The following ZEB1 variants were observed in gnomAD, a reference collection of about 807,000 sequenced individuals.
ZEB1 encodes the protein zinc finger E-box binding homeobox 1.
In ZEB1, 21 loss-of-function variants were observed where a neutral mutation model predicts 84.9. The ratio of observed to expected loss-of-function variants is 0.25; its 90% CI spans 0.18 to 0.36. The LOEUF is 0.36. Among genes scored for constraint, ZEB1 ranks in the 10% least tolerant of loss-of-function variants. The pLI is 1.00. For missense variants in ZEB1, 1,104 were observed against 1,330.2 expected (o/e 0.83, Z 2.65); for synonymous variants, 420 against 471.1 (o/e 0.89, Z 1.41).
intron 1 of ZEB1, among the ~76,000 whole-genome samples, chr10:31,393,047 A>G (rs2050059445): frequency 6.6e-6 from 1 of 152,120 alleles, no homozygotes; most frequent in South Asian, 2.1e-4. Flanking sequence ...CATGTTGCCC[A>G]GGCTGGTCTC....
At chr10:31,412,125 A>T (rs1320206335) in intron 1 of ZEB1, among the ~76,000 whole-genome samples, 1 of 152,238 alleles carries the variant, frequency 6.6e-6, no homozygotes, top group African/African-American at 2.4e-5. Context: ...TCCTACTTTT[A>T]CAAAATATCT....
intron 1 of ZEB1, chr10:31,319,496 GA>G: frequency 1.7e-6 from 1 of 605,954 alleles, no homozygotes; most frequent in Non-Finnish European, 2.9e-6. Flanking sequence ...CGCTCTCCCT[GA>G]ACCGTTATGT....
chr10:31,381,250 G>A (rs1454483755), intron 1 of ZEB1, among the ~76,000 whole-genome samples: 1 of 152,074 alleles, frequency 6.6e-6, no homozygotes, highest in Non-Finnish European at 1.5e-5. Flanking sequence ...AAAATCTACA[G>A]CAATCAGCTC....
chr10:31,321,723 G>T, intron 1 of ZEB1: 1 of 760,106 alleles, frequency 1.3e-6, no homozygotes, highest in African/African-American at 1.7e-5. Context: ...GAGATCCTGT[G>T]ATATGAATAT....
chr10:31,426,356 G>A (rs2056925245), intron 1 of ZEB1, among the ~76,000 whole-genome samples: 1 of 151,960 alleles, frequency 6.6e-6, no homozygotes, highest in Admixed American at 6.6e-5. Context: ...TCTTAGTTAA[G>A]AGATACTTGG....
chr10:31,522,505 G>A (rs1481265640), intron 7 of ZEB1, among the ~76,000 whole-genome samples: 1 of 152,184 alleles, frequency 6.6e-6, no homozygotes, highest in African/African-American at 2.4e-5. Flanking sequence ...TGTATATGAG[G>A]AAGTGTGGCT....
intron 2 of ZEB1, among the ~76,000 whole-genome samples, chr10:31,491,229 A>T (rs532505532): frequency 1.3e-5 from 2 of 151,868 alleles, no homozygotes; most frequent in African/African-American, 4.8e-5. Context: ...TGCTTCCTGC[A>T]TCTATGCCTG....
At chr10:31,464,007 G>A (rs923062156) in intron 2 of ZEB1, among the ~76,000 whole-genome samples, 4 of 151,966 alleles carry the variant, frequency 2.6e-5, no homozygotes, top group Non-Finnish European at 4.4e-5. Context: ...AAAATCAGAT[G>A]GTTATCTGCT....
chr10:31,425,296 A>G (rs944522743), intron 1 of ZEB1, among the ~76,000 whole-genome samples: 6 of 152,070 alleles, frequency 3.9e-5, no homozygotes, highest in African/African-American at 1.4e-4. Context: ...TGAAACCATT[A>G]CTTAATGAGT....
chr10:31,413,863 T>C (rs2054733089), intron 1 of ZEB1, among the ~76,000 whole-genome samples: 1 of 152,210 alleles, frequency 6.6e-6, no homozygotes. Context: ...GAAAATTTCT[T>C]GGTCTTTCTG....
Position 31,529,423 on chromosome 10 carries a change from T to A in ZEB1, c.*2159T>A, listed in dbSNP as rs1254066078. On this transcript the variant is annotated 3_prime_UTR_variant, in exon 9 of 9. Transcript: ENST00000424869. ...AGGTTGCTCCTTCTTCCTGAAATCC[T>A]TAATCCTCCGCATTTCATGCTTCAG... The A allele has an allele frequency of 6.6e-6, 1 of 152,238 alleles. No homozygotes were observed. Among genetic ancestry groups the A allele is most frequent in the Non-Finnish European group, 1.5e-5 (1 of 68,052 alleles). 9.4% of individuals were successfully genotyped at this position (152,238 alleles called of 1,614,324 possible). A position where few individuals can be genotyped will look rare whatever the true frequency, so the allele number is the denominator to read the frequency against.
intron 4 of ZEB1, among the ~76,000 whole-genome samples, chr10:31,506,376 C>T (rs540925920): frequency 6.6e-6 from 1 of 152,152 alleles, no homozygotes; most frequent in East Asian, 1.9e-4. Context: ...AAGTCCCTAA[C>T]TATTATTGTA....
chr10:31,394,202 C>G (rs563217156), intron 1 of ZEB1, among the ~76,000 whole-genome samples: 1 of 152,168 alleles, frequency 6.6e-6, no homozygotes, highest in African/African-American at 2.4e-5. Context: ...GTGTTTTGAG[C>G]TAAGGGCACA....
intron 2 of ZEB1, among the ~76,000 whole-genome samples, chr10:31,492,977 C>A (rs949688302): frequency 6.6e-6 from 1 of 151,836 alleles, no homozygotes; most frequent in Non-Finnish European, 1.5e-5. Context: ...ACAGAGAAAT[C>A]CTGTGTACCC....
Position 31,500,110 on chromosome 10 carries a change from TTATAA to T in ZEB1, c.323-2231_323-2227del, listed in dbSNP as rs958456200. 9.2e-5 allele frequency among the ~76,000 whole-genome samples: 14 copies of T among 152,172 alleles called. 1 individual carries two copies. Among genetic ancestry groups the T allele is most frequent in the African/African-American group, 2.6e-4 (11 of 41,562 alleles). ...AGATTGCTTAATTGAAATAAATATTTTATAATATAATTTGATAAAAATAATTTTAA... is the reference window on the plus strand; with the variant it reads ...AGATTGCTTAATTGAAATAAATATTTTATAATTTGATAAAAATAATTTTAA... On this transcript the variant is annotated intron_variant, in intron 3 of 8. Coordinates refer to ENST00000424869, the MANE Select transcript of ZEB1 (RefSeq NM_001174096.2).
intron 1 of ZEB1, among the ~76,000 whole-genome samples, chr10:31,423,855 A>G (rs1438075261): frequency 6.6e-6 from 1 of 151,666 alleles, no homozygotes; most frequent in Non-Finnish European, 1.5e-5. Context: ...TTTTAGGAGT[A>G]TGCTACTCTA....
At chr10:31,357,830 G>T (rs2042356199) in intron 1 of ZEB1, among the ~76,000 whole-genome samples, 2 of 151,836 alleles carry the variant, frequency 1.3e-5, no homozygotes, top group Admixed American at 1.3e-4. Flanking sequence ...TTTTTTCAAG[G>T]ACTCAGTTTG....
chr10:31,328,129 G>T (rs2035993940), intron 1 of ZEB1, among the ~76,000 whole-genome samples: 1 of 152,114 alleles, frequency 6.6e-6, no homozygotes, highest in Admixed American at 6.5e-5. Flanking sequence ...CTAATCTATA[G>T]ATTATAAAGA....
At chr10:31,456,262 G>A (rs981973441) in intron 1 of ZEB1, among the ~76,000 whole-genome samples, 2 of 152,132 alleles carry the variant, frequency 1.3e-5, no homozygotes, top group African/African-American at 4.8e-5. Flanking sequence ...TGTTGGCGGG[G>A]TGGGGGTCTA....
Sources: allele counts gnomAD v4.1 joint callset (sites outside exome capture counted in the v4.1 genomes callset), GRCh38; gene constraint gnomAD v4.1.1; transcripts MANE v1.5; gene names NCBI Gene and HGNC (gene_info 2026-07-23, HGNC 2026-07-21).